Variants in ABCA10 observed in about 807,000 individuals in gnomAD.
ABCA10 encodes the protein ATP-binding cassette sub-family A member 10.
A neutral mutation model predicts 187.5 loss-of-function variants in ABCA10; 169 were observed. The observed-to-expected ratio is 0.90, with a 90% CI of 0.80 to 1.02. The LOEUF is 1.02. ABCA10 is among the 50% of genes least tolerant of loss of function. The probability of loss-of-function intolerance (pLI) is 0.00; values close to 1 mark genes in which losing one functional copy is unlikely to be tolerated. For missense variants in ABCA10, 1,727 were observed against 1,812.4 expected (o/e 0.95, Z 0.86); for synonymous variants, 574 against 601.8 (o/e 0.95, Z 0.68).
At chr17:69,149,466 T>C (rs2074112135) in intron 37 of ABCA10, 2 of 205,740 alleles carry the variant, frequency 9.7e-6, no homozygotes, top group South Asian at 2.1e-4. Flanking sequence ...TCAATAGCCA[T>C]AAATACGCAG....
At chr17:69,214,018 A>G (rs1459568252) in intron 9 of ABCA10, among the ~76,000 whole-genome samples, 3 of 152,196 alleles carry the variant, frequency 2.0e-5, no homozygotes, top group African/African-American at 4.8e-5. Flanking sequence ...CTTGAGCCAA[A>G]TATTAACAAG....
chr17:69,158,672 G>A (rs1380066732), intron 27 of ABCA10, among the ~76,000 whole-genome samples: 1 of 151,998 alleles, frequency 6.6e-6, no homozygotes, highest in East Asian at 1.9e-4. Flanking sequence ...CCACATACCA[G>A]TTTCTGGCAC....
chr17:69,198,814 T>C (rs2074523714), intron 10 of ABCA10, among the ~76,000 whole-genome samples: 1 of 152,226 alleles, frequency 6.6e-6, no homozygotes, highest in African/African-American at 2.4e-5. Context: ...TCTCCAGTTG[T>C]GTCACCCTCA....
chr17:69,185,112 G>C (rs1190576618), intron 20 of ABCA10, among the ~76,000 whole-genome samples: 1 of 151,938 alleles, frequency 6.6e-6, no homozygotes, highest in East Asian at 1.9e-4. Context: ...AGGTGCAAAG[G>C]CATAAGAATG....
At chr17:69,231,281 T>TC (rs34313228), upstream of ABCA10, among the ~76,000 whole-genome samples, 8 of 152,192 alleles carry the variant, frequency 5.3e-5, no homozygotes, top group Non-Finnish European at 8.8e-5. Context: ...AATGGCATTC[T>TC]CCTGTGTATT....
chr17:69,199,759 T>C (rs1020580981), intron 10 of ABCA10, among the ~76,000 whole-genome samples: 1 of 152,252 alleles, frequency 6.6e-6, no homozygotes, highest in African/African-American at 2.4e-5. Flanking sequence ...TATTGAACCA[T>C]GTCCTAAAAG....
At position 69,196,496 on chromosome 17, in the gene ABCA10, G is replaced by A. The variant is rs190365828; in HGVS notation, c.1234+568C>T. ...CGCTCCTCACTTCCTAGACGGGATG[G>A]TAGCCGGGAAGAGGCGCTCCTCACT... On this transcript the variant is annotated intron_variant, in intron 11 of 38. Transcript: ENST00000690296. The A allele has an allele frequency of 6.4e-3, 1,106 of 172,624 alleles. 9 individuals carry two copies. The highest frequency in any genetic ancestry group is 0.025 in the African/African-American group (1,055 of 41,596). 10.7% of individuals were successfully genotyped at this position (172,624 alleles called of 1,614,324 possible). A position where few individuals can be genotyped will look rare whatever the true frequency, so the allele number is the denominator to read the frequency against.
chr17:69,244,667 C>T (rs968454165), exon 1 of ABCA10: 1 of 151,456 alleles, frequency 6.6e-6, no homozygotes, highest in African/African-American at 2.4e-5. Flanking sequence ...ATTTCTATTT[C>T]TCAAAAATTA....
At chr17:69,149,488 C>G (rs1467295733) in intron 37 of ABCA10, among the ~76,000 whole-genome samples, 5 of 152,146 alleles carry the variant, frequency 3.3e-5, no homozygotes, top group Non-Finnish European at 7.4e-5. Context: ...GTCTCTGGAA[C>G]TAGTTCAGAA....
At chr17:69,192,962 G>T in intron 15 of ABCA10, 148 bp downstream of exon 15, 1 of 1,157,298 alleles carries the variant, frequency 8.6e-7, no homozygotes, top group South Asian at 1.6e-5. Flanking sequence ...CATGTGACCT[G>T]TTGTAGCCAA....
intron 20 of ABCA10, among the ~76,000 whole-genome samples, chr17:69,184,880 TAC>T (rs1190166312): frequency 9.0e-5 from 13 of 144,530 alleles, no homozygotes; most frequent in African/African-American, 2.3e-4. Context: ...TGTATATATA[TAC>T]ACACACACAC....
intron 37 of ABCA10, among the ~76,000 whole-genome samples, chr17:69,149,518 T>C (rs530402093): frequency 6.6e-6 from 1 of 152,306 alleles, no homozygotes; most frequent in East Asian, 1.9e-4. Flanking sequence ...CAATAGTGAC[T>C]TGTTACACCT....
chr17:69,243,169 C>G (rs1213236385), intron 1 of ABCA10, among the ~76,000 whole-genome samples: 1 of 152,194 alleles, frequency 6.6e-6, no homozygotes, highest in African/African-American at 2.4e-5. Flanking sequence ...ATGTGTAACT[C>G]TGCAAAGGTA....
At chr17:69,208,614 G>T (rs1369403180) in intron 9 of ABCA10, among the ~76,000 whole-genome samples, 2 of 151,960 alleles carry the variant, frequency 1.3e-5, no homozygotes, top group Non-Finnish European at 2.9e-5. Flanking sequence ...GGGGGCTAAA[G>T]AAAATTAATT....
chr17:69,233,407 T>G (rs574232385), upstream of ABCA10: 3 of 152,304 alleles, frequency 2.0e-5, no homozygotes, highest in South Asian at 2.1e-4. Flanking sequence ...ATGTTTGTGG[T>G]TTTTTTAATT....
intron 9 of ABCA10, 110 bp from the exon 10 acceptor site, chr17:69,201,778 G>T: frequency 1.0e-6 from 1 of 956,186 alleles, no homozygotes; most frequent in Non-Finnish European, 1.4e-6. Context: ...TTTATCTTGG[G>T]CATTTATATT....
chr17:69,179,943 T>C lies in ABCA10; in HGVS notation c.2769+2210A>G, dbSNP rs577057135. ...TCAATTCTGAAAAATCCGAAAGCCCTTTAAATCATATTACTTAAAAGTTGC... is the reference window on the plus strand; with the variant it reads ...TCAATTCTGAAAAATCCGAAAGCCCCTTAAATCATATTACTTAAAAGTTGC... On this transcript the variant is annotated intron_variant, in intron 22 of 38. Transcript: ENST00000690296. Among the ~76,000 whole-genome samples the C allele has an allele frequency of 1.3e-4, 20 of 152,304 alleles. No individual in the cohort carries two copies. In the South Asian group the frequency reaches 3.7e-3, roughly 28 times the overall value.
At position 69,194,054 on chromosome 17, in the gene ABCA10, T is replaced by G. The variant is rs558826459; in HGVS notation, c.1346-65A>C. ...TAATTCTATGCAGAGTGATAATATA[T>G]GTTAGTATTTAGATTTTGTTCAAAA... is the stretch of plus-strand genomic sequence containing the variant. On this transcript the variant is annotated intron_variant, in intron 12 of 38. Coordinates refer to ENST00000690296, the MANE Select transcript of ABCA10 (RefSeq NM_001377321.1). The G allele has an allele frequency of 4.2e-3, 5,968 of 1,409,018 alleles. 25 individuals carry two copies. Among genetic ancestry groups the G allele is most frequent in the South Asian group, 0.011 (779 of 71,596 alleles). The allele number at this position is 1,409,018 out of a possible 1,614,324, so 87.3% of individuals were successfully genotyped here. A position where few individuals can be genotyped will look rare whatever the true frequency, so the allele number is the denominator to read the frequency against.
chr17:69,237,024 A>C (rs1422415158), intron 1 of ABCA10, among the ~76,000 whole-genome samples: 1 of 152,176 alleles, frequency 6.6e-6, no homozygotes, highest in East Asian at 1.9e-4. Context: ...AAAAGTTATT[A>C]TTTTCTGGTC....
Sources: gnomAD v4.1 joint callset for allele counts (sites outside exome capture counted in the v4.1 genomes callset) on GRCh38, gnomAD v4.1.1 for gene constraint, MANE v1.5 for transcripts, NCBI Gene and HGNC (gene_info 2026-07-23, HGNC 2026-07-21) for gene names.